SLC39A11: variants seen among roughly 807,000 people sequenced by gnomAD.
SLC39A11 encodes the protein solute carrier family 39 member 11, also known as zinc transporter ZIP11.
In SLC39A11, 33 loss-of-function variants were observed where a neutral mutation model predicts 36.1. The ratio of observed to expected loss-of-function variants is 0.91; its 90% CI spans 0.69 to 1.22. SLC39A11 has a LOEUF of 1.22. SLC39A11 is among the 50% of genes most tolerant of loss of function. The pLI is 0.00. For synonymous variants in SLC39A11, 166 were observed against 170.3 expected (o/e 0.97, Z 0.20); for missense variants, 432 against 430.3 (o/e 1.00, Z -0.03).
intron 4 of SLC39A11, among the ~76,000 whole-genome samples, chr17:72,967,910 A>G (rs2087133313): frequency 6.6e-6 from 1 of 151,858 alleles, no homozygotes; most frequent in Admixed American, 6.6e-5. Context: ...CTGCAGTCTC[A>G]GTTCTTTTCC....
At chr17:72,742,674 A>G (rs1327687980) in intron 6 of SLC39A11, among the ~76,000 whole-genome samples, 5 of 152,178 alleles carry the variant, frequency 3.3e-5, no homozygotes, top group Non-Finnish European at 7.4e-5. Context: ...TCCTTTGTGT[A>G]CACATTTAAT....
chr17:72,974,431 CAAA>C (rs35927526), intron 4 of SLC39A11, among the ~76,000 whole-genome samples: 4 of 132,398 alleles, frequency 3.0e-5, no homozygotes. Context: ...CATTTTGTAC[CAAA>C]AAAAAAAAAA....
chr17:73,004,177 AAG>A (rs1491393894), intron 4 of SLC39A11, among the ~76,000 whole-genome samples: 2 of 77,998 alleles, frequency 2.6e-5, no homozygotes, highest in African/African-American at 1.0e-4. Context: ...GAAAGAAAGA[AAG>A]AAAGAAAGAA....
At chr17:72,666,834 T>A (rs1448517798) in intron 7 of SLC39A11, among the ~76,000 whole-genome samples, 1 of 152,256 alleles carries the variant, frequency 6.6e-6, no homozygotes, top group African/African-American at 2.4e-5. Flanking sequence ...TGTAGTCTTG[T>A]TGTTTGACAA....
intron 6 of SLC39A11, among the ~76,000 whole-genome samples, chr17:72,776,795 A>G (rs2076151643): frequency 6.6e-6 from 1 of 152,124 alleles, no homozygotes; most frequent in South Asian, 2.1e-4. Context: ...CAGGTAGAAA[A>G]ATAGTGGTTT....
intron 7 of SLC39A11, 39 bp from the exon 8 acceptor site, chr17:72,649,307 A>C: frequency 6.3e-7 from 1 of 1,587,370 alleles, no homozygotes; most frequent in African/African-American, 1.3e-5. Context: ...TGCTGTCTGG[A>C]ATAGGTGCTC....
intron 7 of SLC39A11, among the ~76,000 whole-genome samples, chr17:72,668,212 A>G (rs1359382535): frequency 1.3e-5 from 2 of 152,132 alleles, no homozygotes; most frequent in Non-Finnish European, 2.9e-5. Context: ...TAAAAAAAAA[A>G]AAGAAGTTTC....
At chr17:72,985,405 G>GT in intron 4 of SLC39A11, among the ~76,000 whole-genome samples, 1 of 74,086 alleles carries the variant, frequency 1.3e-5, no homozygotes, top group South Asian at 5.6e-4. Context: ...CATGGGGCCT[G>GT]CCTTTTTTTT....
chr17:72,956,277 C>T (rs750162920), intron 4 of SLC39A11, among the ~76,000 whole-genome samples: 2 of 152,186 alleles, frequency 1.3e-5, no homozygotes, highest in Non-Finnish European at 2.9e-5. Context: ...TTTTCCTAGT[C>T]CTGATGCCAA....
At chr17:72,816,898 T>C (rs902578843) in intron 6 of SLC39A11, among the ~76,000 whole-genome samples, 20 of 152,298 alleles carry the variant, frequency 1.3e-4, no homozygotes, top group African/African-American at 3.1e-4. Context: ...TTCTGATCCA[T>C]TAATATGTAT....
intron 7 of SLC39A11, among the ~76,000 whole-genome samples, chr17:72,715,936 A>T (rs2073342564): frequency 6.6e-6 from 1 of 152,070 alleles, no homozygotes; most frequent in South Asian, 2.1e-4. Flanking sequence ...ACTTCAAGTG[A>T]TCCGCCCGCT....
chr17:72,811,639 G>A (rs897970653), intron 6 of SLC39A11, among the ~76,000 whole-genome samples: 4 of 152,188 alleles, frequency 2.6e-5, no homozygotes, highest in African/African-American at 9.7e-5. Context: ...CTTTCTGTGA[G>A]CTTCAATTTC....
At chr17:72,962,116 C>CT (rs2086651982) in intron 4 of SLC39A11, among the ~76,000 whole-genome samples, 1 of 152,218 alleles carries the variant, frequency 6.6e-6, no homozygotes, top group Admixed American at 6.5e-5. Context: ...CTGCTTCCTG[C>CT]TGTGGGTATG....
At chr17:72,987,879 G>A (rs1040771383) in intron 4 of SLC39A11, among the ~76,000 whole-genome samples, 1 of 152,082 alleles carries the variant, frequency 6.6e-6, no homozygotes, top group Non-Finnish European at 1.5e-5. Flanking sequence ...CCATGTTCTC[G>A]TCCTGAATCG....
intron 4 of SLC39A11, among the ~76,000 whole-genome samples, chr17:72,963,154 T>C (rs1002881660): frequency 1.4e-5 from 2 of 138,366 alleles, no homozygotes; most frequent in African/African-American, 2.8e-5. Flanking sequence ...TGGGGTATAA[T>C]TCTTTTTTTC....
At position 72,949,144 on chromosome 17, in the gene SLC39A11, CTTTTTTTTTTTTTTTTTTTTTTTTTT is replaced by C. The variant is rs56036208; in HGVS notation, c.307-1295_307-1270del. On this transcript the variant is annotated intron_variant, in intron 4 of 9. Transcript: ENST00000255559. ...AAATAAAATACCATACACTGGGCAG[CTTTTTTTTTTTTTTTTTTTTTTTTTT>C]TTTTTTTGAGACAGAGTTTCACTCT... 2.7e-4 allele frequency among the ~76,000 whole-genome samples: 10 copies of C among 36,478 alleles called. No individual in the cohort carries two copies. In the Admixed American group the frequency reaches 4.4e-3, roughly 16 times the overall value. The allele number at this position is 36,478 out of a possible 152,430, so 23.9% of individuals were successfully genotyped here. A position where few individuals can be genotyped will look rare whatever the true frequency, so the allele number is the denominator to read the frequency against.
chr17:72,936,525 T>C (rs1303461235), intron 5 of SLC39A11, among the ~76,000 whole-genome samples: 1 of 149,760 alleles, frequency 6.7e-6, no homozygotes, highest in African/African-American at 2.5e-5. Context: ...TGGCCGGGCC[T>C]CACTTTCTTT....
rs142726670 is a variant in SLC39A11 at position 72,816,013 on chromosome 17, A to G, written c.601+33621T>C. On this transcript the variant is annotated intron_variant, in intron 6 of 9. Coordinates refer to ENST00000255559, the MANE Select transcript of SLC39A11 (RefSeq NM_139177.4). Reference sequence around the variant, plus strand: ...TTTCCTTTATATGAGAAAAGATAACATTGTTTCAGATATTCTATACATGCA... The same window carrying G: ...TTTCCTTTATATGAGAAAAGATAACGTTGTTTCAGATATTCTATACATGCA... Among the ~76,000 whole-genome samples the G allele has an allele frequency of 3.3e-4, 50 of 152,326 alleles. 1 individual carries two copies. In the East Asian group the frequency reaches 8.9e-3, roughly 27 times the overall value.
At chr17:72,809,172 C>T (rs75187884) in intron 6 of SLC39A11, among the ~76,000 whole-genome samples, 2,250 of 150,700 alleles carry the variant, frequency 0.015, 54 homozygotes, top group African/African-American at 0.052. Context: ...TTCCCAATTT[C>T]GGCTTAGATC....
Sources: allele counts gnomAD v4.1 joint callset (sites outside exome capture counted in the v4.1 genomes callset), GRCh38; gene constraint gnomAD v4.1.1; transcripts MANE v1.5; gene names NCBI Gene and HGNC (gene_info 2026-07-23, HGNC 2026-07-21).